FAM227B: variants seen among roughly 807,000 people sequenced by gnomAD.
The protein encoded by FAM227B is family with sequence similarity 227 member B, also known as protein FAM227B.
In FAM227B, 88 loss-of-function variants were observed where a neutral mutation model predicts 73.8. The observed-to-expected ratio is 1.19, with a 90% CI of 1.00 to 1.42. The LOEUF (loss-of-function observed/expected upper bound fraction) is 1.42, where lower values mean the gene tolerates loss of function less well. Ranked by LOEUF, FAM227B falls within the 40% of genes most tolerant of loss-of-function variation. The pLI is 0.00. For missense variants in FAM227B, 632 were observed against 590.9 expected (o/e 1.07, Z -0.72); for synonymous variants, 210 against 190.5 (o/e 1.10, Z -0.84).
chr15:49,484,387 G>A, intron 11 of FAM227B: 1 of 1,594,334 alleles, frequency 6.3e-7, no homozygotes, highest in Non-Finnish European at 8.5e-7. Context: ...CAGCTAAATG[G>A]ACACACAACG....
intron 11 of FAM227B, among the ~76,000 whole-genome samples, chr15:49,382,678 A>G (rs1015435635): frequency 6.6e-6 from 1 of 152,132 alleles, no homozygotes; most frequent in Non-Finnish European, 1.5e-5. Context: ...ATAAACAAGG[A>G]CATCTTATTC....
chr15:49,472,759 T>A (rs1277900881), intron 11 of FAM227B, among the ~76,000 whole-genome samples: 1 of 152,138 alleles, frequency 6.6e-6, no homozygotes, highest in East Asian at 1.9e-4. Context: ...AGAAAAGGGC[T>A]AGAATCAAAA....
intron 3 of FAM227B, among the ~76,000 whole-genome samples, chr15:49,610,757 A>G (rs2077853060): frequency 6.6e-6 from 1 of 152,174 alleles, no homozygotes; most frequent in Admixed American, 6.5e-5. Context: ...AGGCGAAGTC[A>G]GTAATTTTGC....
At chr15:49,406,341 G>A (rs1196338858) in intron 11 of FAM227B, among the ~76,000 whole-genome samples, 1 of 152,188 alleles carries the variant, frequency 6.6e-6, no homozygotes, top group Non-Finnish European at 1.5e-5. Context: ...TCATCACAGT[G>A]GCAGAGGCAA....
intron 9 of FAM227B, among the ~76,000 whole-genome samples, chr15:49,550,606 G>A (rs2072823285): frequency 6.6e-6 from 1 of 151,896 alleles, no homozygotes; most frequent in African/African-American, 2.4e-5. Flanking sequence ...CCCAGACGGG[G>A]TCACGGCCGG....
chr15:49,396,151 A>G (rs1168037907), intron 11 of FAM227B: 3 of 360,206 alleles, frequency 8.3e-6, no homozygotes, highest in African/African-American at 6.5e-5. Flanking sequence ...ACCGTGTGCG[A>G]GCCGAAGCAG....
At chr15:49,424,078 T>C (rs2049917114) in intron 11 of FAM227B, 3 of 422,352 alleles carry the variant, frequency 7.1e-6, no homozygotes. Flanking sequence ...TACTACGAAC[T>C]GTTTTTATGA....
At chr15:49,456,780 T>G (rs2053333471) in intron 11 of FAM227B, among the ~76,000 whole-genome samples, 1 of 151,980 alleles carries the variant, frequency 6.6e-6, no homozygotes. Flanking sequence ...TATTGACAGG[T>G]GATGGGAAGT....
At chr15:49,368,315 C>A (rs1043178414) in intron 12 of FAM227B, among the ~76,000 whole-genome samples, 1 of 152,114 alleles carries the variant, frequency 6.6e-6, no homozygotes, top group African/African-American at 2.4e-5. Context: ...AAGTTTTCCT[C>A]AATCTTTGTA....
At chr15:49,526,551 C>A (rs2060219367) in intron 10 of FAM227B, among the ~76,000 whole-genome samples, 1 of 151,776 alleles carries the variant, frequency 6.6e-6, no homozygotes, top group Non-Finnish European at 1.5e-5. Context: ...AAGATAAGAG[C>A]AGAAGTGAAT....
intron 11 of FAM227B, among the ~76,000 whole-genome samples, chr15:49,469,994 G>C (rs2054592129): frequency 6.6e-6 from 1 of 152,066 alleles, no homozygotes. Context: ...TTAGAGGATG[G>C]CATTAAATAG....
At chr15:49,393,209 G>A (rs924643893) in intron 11 of FAM227B, among the ~76,000 whole-genome samples, 6 of 152,134 alleles carry the variant, frequency 3.9e-5, no homozygotes, top group South Asian at 4.1e-4. Flanking sequence ...AATGTGGGGA[G>A]AGGGCTCAAA....
At chr15:49,449,536 G>A (rs2052530754) in intron 11 of FAM227B, among the ~76,000 whole-genome samples, 1 of 151,974 alleles carries the variant, frequency 6.6e-6, no homozygotes, top group African/African-American at 2.4e-5. Flanking sequence ...AAATTGCACA[G>A]GGTGGGGCCA....
At chr15:49,426,870 C>T (rs751638761) in intron 11 of FAM227B, among the ~76,000 whole-genome samples, 13 of 151,780 alleles carry the variant, frequency 8.6e-5, no homozygotes, top group South Asian at 8.3e-4. Flanking sequence ...TTCTTGATAT[C>T]GTTAATTATC....
chr15:49,558,647 C>T (rs2073968868), intron 9 of FAM227B, among the ~76,000 whole-genome samples: 1 of 152,170 alleles, frequency 6.6e-6, no homozygotes, highest in Non-Finnish European at 1.5e-5. Flanking sequence ...CCTGCTGCCA[C>T]CTAAGAGTTT....
chr15:49,415,130 C>A (rs1341829339), intron 11 of FAM227B, among the ~76,000 whole-genome samples: 1 of 152,108 alleles, frequency 6.6e-6, no homozygotes, highest in African/African-American at 2.4e-5. Context: ...AAAATTAAGC[C>A]AGTTTTGCTA....
At position 49,399,594 on chromosome 15, in the gene FAM227B, T is replaced by C. The variant is rs1204127567; in HGVS notation, c.1013-28195A>G. Among the ~76,000 whole-genome samples the C allele has an allele frequency of 2.7e-3, 408 of 149,614 alleles. 5 individuals carry two copies. The highest frequency in any genetic ancestry group is 9.6e-3 in the African/African-American group (394 of 41,046). On this transcript the variant is annotated intron_variant, in intron 11 of 15. Transcript: ENST00000299338. ...TCCTTGATGAACATTGATGCAAAAA[T>C]CCTCAATAAAATACTGGCAAAACAA...
rs1347522213 is a variant in FAM227B, at chr15:49,591,378, TCCCTTCCC to T, written c.106-1379_106-1372del. Among the ~76,000 whole-genome samples the T allele has an allele frequency of 6.2e-4, 20 of 32,312 alleles. No homozygotes were observed. In the South Asian group the frequency reaches 0.012, roughly 20 times the overall value. 21.2% of individuals were successfully genotyped at this position (32,312 alleles called of 152,430 possible). A position where few individuals can be genotyped will look rare whatever the true frequency, so the allele number is the denominator to read the frequency against. On this transcript the variant is annotated intron_variant, in intron 3 of 15. Transcript: ENST00000299338. ...AGCCACCACACCCTCCCTCCCTCCC[TCCCTTCCC>T]TCCCTCCCTCCTTCCTTCCTTCCCT...
chr15:49,384,641 AT>A (rs1171817709), intron 11 of FAM227B, among the ~76,000 whole-genome samples: 1 of 152,002 alleles, frequency 6.6e-6, no homozygotes, highest in Non-Finnish European at 1.5e-5. Context: ...ATTATACCAG[AT>A]TGGCATTGTT....
Sources: gnomAD v4.1 joint callset for allele counts (sites outside exome capture counted in the v4.1 genomes callset) on GRCh38, gnomAD v4.1.1 for gene constraint, MANE v1.5 for transcripts, NCBI Gene and HGNC (gene_info 2026-07-23, HGNC 2026-07-21) for gene names.